Variants in AAK1 observed in about 807,000 individuals in gnomAD.
The protein encoded by AAK1 is AP2-associated protein kinase 1.
AAK1 carries 37 observed loss-of-function variants against 116.0 expected under a neutral mutation model. The observed-to-expected ratio is 0.32, with a 90% CI of 0.25 to 0.42. The LOEUF (loss-of-function observed/expected upper bound fraction) is 0.42. Ranked by LOEUF, AAK1 falls within the 10% of genes least tolerant of loss-of-function variation. The pLI is 1.00. For synonymous variants in AAK1, 458 were observed against 439.9 expected, an observed-to-expected ratio of 1.04 and a Z score of -0.51; for missense variants, 919 against 1,170.6, an observed-to-expected ratio of 0.79 and a Z score of 3.14.
rs1674257107 is a variant in AAK1, at chr2:69,458,116, G to A, written c.*17753C>T. The A allele has an allele frequency of 6.6e-6, 1 of 151,574 alleles. No homozygotes were observed. Among genetic ancestry groups the A allele is most frequent in the East Asian group, 1.9e-4 (1 of 5,162 alleles). The allele number at this position is 151,574 out of a possible 1,614,324, so 9.4% of individuals were successfully genotyped here. On this transcript the variant is annotated 3_prime_UTR_variant, in exon 22 of 22. Coordinates refer to ENST00000409085, the MANE Select transcript of AAK1 (RefSeq NM_014911.5). Reference sequence around the variant, plus strand: ...AGAGTGCAATAACATAAATCCAATGGTCTGCAAATAAGAGGTATTGCAAAA... The same window carrying A: ...AGAGTGCAATAACATAAATCCAATGATCTGCAAATAAGAGGTATTGCAAAA...
chr2:69,555,165 A>C (rs748905993), intron 3 of AAK1, among the ~76,000 whole-genome samples: 1 of 152,230 alleles, frequency 6.6e-6, no homozygotes, highest in African/African-American at 2.4e-5. Context: ...AATAATGAGA[A>C]GCAGCCAGAA....
At chr2:69,620,026 G>C (rs1044840055) in intron 2 of AAK1, among the ~76,000 whole-genome samples, 1 of 152,272 alleles carries the variant, frequency 6.6e-6, no homozygotes, top group South Asian at 2.1e-4. Context: ...CACTTTAAAG[G>C]CTCACTCTGG....
chr2:69,515,457 C>G lies in AAK1; in HGVS notation c.1498-708G>C, dbSNP rs114099440. ...CATTCCACCTCAGCCTCCTAAGTACCTGGTATCACAGGTGCACACTACCAT... is the reference window on the plus strand; with the variant it reads ...CATTCCACCTCAGCCTCCTAAGTACGTGGTATCACAGGTGCACACTACCAT... On this transcript the variant is annotated intron_variant, in intron 12 of 21. Transcript: ENST00000409085. Among the ~76,000 whole-genome samples the G allele has an allele frequency of 6.6e-3, 1,007 of 152,214 alleles. 10 individuals carry two copies. Among genetic ancestry groups the G allele is most frequent in the African/African-American group, 0.023 (968 of 41,550 alleles).
rs905184875 is a variant in AAK1 at position 69,459,849 on chromosome 2, T to C, written c.*16020A>G. 5.3e-5 allele frequency: 8 copies of C among 151,948 alleles called. No individual in the cohort carries two copies. Among genetic ancestry groups the C allele is most frequent in the Non-Finnish European group, 7.4e-5 (5 of 68,006 alleles). The allele number at this position is 151,948 out of a possible 1,614,324, so 9.4% of individuals were successfully genotyped here. On this transcript the variant is annotated 3_prime_UTR_variant, in exon 22 of 22. Coordinates refer to ENST00000409085, the MANE Select transcript of AAK1 (RefSeq NM_014911.5). Reference sequence around the variant, plus strand: ...TGAAACTCTTCTTTTCCTTTAGTGATGTTTTCAGTAACAAACTTGCAAGTG... The same window carrying C: ...TGAAACTCTTCTTTTCCTTTAGTGACGTTTTCAGTAACAAACTTGCAAGTG...
chr2:69,592,763 G>T (rs1673089802), intron 2 of AAK1, among the ~76,000 whole-genome samples: 1 of 152,200 alleles, frequency 6.6e-6, no homozygotes, highest in African/African-American at 2.4e-5. Flanking sequence ...TTTGGCTTAT[G>T]ATAATTGGAC....
At chr2:69,623,239 C>T (rs181240451) in intron 2 of AAK1, among the ~76,000 whole-genome samples, 11 of 152,180 alleles carry the variant, frequency 7.2e-5, no homozygotes, top group Non-Finnish European at 1.6e-4. Flanking sequence ...TCCAAACACA[C>T]CGCCTTTAAG....
At chr2:69,493,313 G>A (rs559199770) in intron 17 of AAK1, among the ~76,000 whole-genome samples, 5 of 152,046 alleles carry the variant, frequency 3.3e-5, no homozygotes, top group South Asian at 2.1e-4. Flanking sequence ...GTGAAAGGAC[G>A]GGGCTAAACG....
chr2:69,581,444 G>C (rs899894111), intron 2 of AAK1, among the ~76,000 whole-genome samples: 1 of 152,164 alleles, frequency 6.6e-6, no homozygotes, highest in South Asian at 2.1e-4. Context: ...TGGCATTGTA[G>C]AGTGAATGTA....
chr2:69,525,319 T>C lies in AAK1; in HGVS notation c.976-207A>G, dbSNP rs137901229. Among the ~76,000 whole-genome samples the C allele has an allele frequency of 6.7e-3, 1,021 of 152,228 alleles. 22 individuals carry two copies. The highest frequency in any genetic ancestry group is 0.012 in the East Asian group (64 of 5,178). ...GACTCAGCCACAGTCAGGGAAGCAATGTATCTGAGAAGAGGAGAGAGTAGC... is the reference window on the plus strand; with the variant it reads ...GACTCAGCCACAGTCAGGGAAGCAACGTATCTGAGAAGAGGAGAGAGTAGC... On this transcript the variant is annotated intron_variant, in intron 9 of 21. Transcript: ENST00000409085.
intron 2 of AAK1, among the ~76,000 whole-genome samples, chr2:69,587,491 G>A (rs1226029967): frequency 2.7e-5 from 4 of 147,576 alleles, no homozygotes; most frequent in South Asian, 2.1e-4. Flanking sequence ...TTTTGATGTC[G>A]TTTCGCTCTT....
Position 69,643,236 on chromosome 2 carries a change from C to T in AAK1, c.-196G>A. The T allele has an allele frequency of 7.8e-6, 11 of 1,409,090 alleles. No homozygotes were observed. Among genetic ancestry groups the T allele is most frequent in the Non-Finnish European group, 1.0e-5 (11 of 1,089,046 alleles). The allele number at this position is 1,409,090 out of a possible 1,614,324, so 87.3% of individuals were successfully genotyped here. On this transcript the variant is annotated 5_prime_UTR_variant, in exon 2 of 22. Transcript: ENST00000409085. ...TATGCGTGTCAATCGCGCAGCGGGTCCCCTCCTCCTCCAGAAAGCGATTCG... is the reference window on the plus strand; with the variant it reads ...TATGCGTGTCAATCGCGCAGCGGGTTCCCTCCTCCTCCAGAAAGCGATTCG...
intron 7 of AAK1, 57 bp downstream of exon 7, chr2:69,530,568 G>A: frequency 7.0e-7 from 1 of 1,424,218 alleles, no homozygotes; most frequent in Non-Finnish European, 9.9e-7. Context: ...TTAACCTTGG[G>A]AATTCACAGT....
intron 8 of AAK1, among the ~76,000 whole-genome samples, chr2:69,528,322 C>T (rs188398235): frequency 6.6e-6 from 1 of 152,248 alleles, no homozygotes; most frequent in Admixed American, 6.5e-5. Context: ...GTTTCCTAAT[C>T]AGGGACATGA....
chr2:69,488,565 C>T (rs575347661), intron 17 of AAK1, among the ~76,000 whole-genome samples: 35 of 152,142 alleles, frequency 2.3e-4, no homozygotes, highest in African/African-American at 6.7e-4. Context: ...AGAATTAATG[C>T]GTGTGTATAA....
In AAK1 at chr2:69,642,923, C is replaced by T; in HGVS notation, c.118G>A (p.Gly40Ser). ...ACTGTGACCTGCTGTCGCCCGATGC[C>T]GAAGACTCTTCCGATGTAGCCACTG... ...LGSGYIGRVF[G>S]IGRQQVTVDE... Residue 40 changes from glycine (G) to serine (S), a missense_variant, in exon 2 of 22, where the codon GGC (glycine) becomes AGC (serine). Physicochemically the swap from Gly to Ser is moderately conservative, Grantham distance 56. Around this residue, in one of 4 missense-constraint regions of AAK1, gnomAD observed 317 missense variants for 490.4 expected, o/e 0.65. Transcript: ENST00000409085. The T allele has an allele frequency of 6.2e-7, 1 of 1,613,890 alleles. No homozygotes were observed.
chr2:69,599,567 C>T (rs895385838), intron 2 of AAK1, among the ~76,000 whole-genome samples: 3 of 152,088 alleles, frequency 2.0e-5, no homozygotes, highest in Non-Finnish European at 4.4e-5. Context: ...AATAGCAAAT[C>T]ACTCTTTACA....
chr2:69,632,629 T>C (rs1363266646), intron 2 of AAK1, among the ~76,000 whole-genome samples: 1 of 152,268 alleles, frequency 6.6e-6, no homozygotes, highest in African/African-American at 2.4e-5. Context: ...CCAGGCGCGA[T>C]GGCTCACGCC....
chr2:69,628,952 C>T (rs1675038734), intron 2 of AAK1, among the ~76,000 whole-genome samples: 1 of 152,166 alleles, frequency 6.6e-6, no homozygotes, highest in Admixed American at 6.5e-5. Context: ...CTACAGGTAC[C>T]ACCTCTCTAG....
chr2:69,600,239 G>T (rs1215631409), intron 2 of AAK1, among the ~76,000 whole-genome samples: 1 of 150,610 alleles, frequency 6.6e-6, no homozygotes, highest in East Asian at 1.9e-4. Flanking sequence ...TTCCAGGATT[G>T]AGTTGAAAAG....
Sources: gnomAD v4.1 joint callset for allele counts (sites outside exome capture counted in the v4.1 genomes callset) on GRCh38, gnomAD v4.1.1 for gene constraint, gnomAD v4.1.1 regional missense constraint, MANE v1.5 for transcripts, NCBI Gene and HGNC (gene_info 2026-07-23, HGNC 2026-07-21) for gene names.